FOCAD: variants seen among roughly 807,000 people sequenced by gnomAD.
FOCAD encodes the protein focadhesin, also known as KIAA1797.
Under a neutral mutation model 225.6 loss-of-function variants are expected in FOCAD, and 198 were observed. That is an observed-to-expected ratio of 0.88 (90% CI 0.78 to 0.99). FOCAD has a LOEUF of 0.99. Among genes scored for constraint, FOCAD ranks in the 50% least tolerant of loss-of-function variants. The pLI, the probability that FOCAD is intolerant of heterozygous loss-of-function variation, is 0.00. For synonymous variants in FOCAD, 897 were observed against 755.0 expected (o/e 1.19, Z -3.08); for missense variants, 2,713 against 2,123.6 (o/e 1.28, Z -5.46).
chr9:20,715,473 T>C, intron 2 of FOCAD, 63 bp downstream of exon 2: 1 of 852,356 alleles, frequency 1.2e-6, no homozygotes, highest in Non-Finnish European at 1.7e-6. Context: ...GATTTTTAAC[T>C]GAACTTTATA....
intron 28 of FOCAD, among the ~76,000 whole-genome samples, chr9:20,939,917 G>A (rs567968695): frequency 2.4e-4 from 17 of 71,728 alleles, no homozygotes; most frequent in Non-Finnish European, 3.5e-4. Context: ...TCCACCCCAC[G>A]ACAGGCCCCA....
intron 1 of FOCAD, among the ~76,000 whole-genome samples, chr9:20,715,001 G>A (rs1025562435): frequency 6.6e-6 from 1 of 152,104 alleles, no homozygotes. Flanking sequence ...ATCCACAAAA[G>A]AATTAATTTC....
rs1564179288 is a variant in FOCAD at position 20,939,161 on chromosome 9, A to AAAAAAAAAAAAAAAAAG, written c.3408-5460_3408-5459insAAAAAAAAAAGAAAAAA. ...CGAGACTCTCTTCTCAAAAAAAAAAAAAAAAAGAGTGTGGTTTGAATATGA... is the reference window on the plus strand; with the variant it reads ...CGAGACTCTCTTCTCAAAAAAAAAAAAAAAAAAAAAAAAAAAGAAAAAAGAGTGTGGTTTGAATATGA... On this transcript the variant is annotated intron_variant, in intron 28 of 43. Coordinates refer to ENST00000338382, the MANE Select transcript of FOCAD (RefSeq NM_001375567.1). Among the ~76,000 whole-genome samples the AAAAAAAAAAAAAAAAAG allele has an allele frequency of 1.6e-4, 24 of 150,480 alleles. 1 individual carries two copies. The highest frequency in any genetic ancestry group is 5.8e-4 in the African/African-American group (24 of 41,232).
intron 19 of FOCAD, among the ~76,000 whole-genome samples, chr9:20,876,373 AT>A (rs1000277989): frequency 3.3e-5 from 5 of 151,162 alleles, no homozygotes; most frequent in African/African-American, 9.7e-5. Context: ...TTTTTAAATG[AT>A]TTTTTTTTCA....
intron 42 of FOCAD, among the ~76,000 whole-genome samples, chr9:20,991,873 G>T (rs182824626): frequency 1.3e-5 from 2 of 151,690 alleles, no homozygotes; most frequent in Admixed American, 6.6e-5. Context: ...TTCTGGACTG[G>T]GATACCACGT....
intron 4 of FOCAD, among the ~76,000 whole-genome samples, chr9:20,728,093 C>T (rs188984684): frequency 6.6e-6 from 1 of 152,124 alleles, no homozygotes; most frequent in Non-Finnish European, 1.5e-5. Flanking sequence ...AAACAGTCTG[C>T]CTGAGTGTTT....
rs574418145 is a variant in FOCAD, at chr9:20,729,491, C to G, written c.287+8957C>G. Among the ~76,000 whole-genome samples, 12 of 152,274 alleles carry G rather than the reference C, an allele frequency of 7.9e-5. No homozygotes were observed. The East Asian group carries it at 2.1e-3, about 27-fold the overall frequency. Reference sequence around the variant, plus strand: ...TAATTTAATTATATCTACAAAGACCCTATTTCCATATAAGGTCACATTCAT... The same window carrying G: ...TAATTTAATTATATCTACAAAGACCGTATTTCCATATAAGGTCACATTCAT... On this transcript the variant is annotated intron_variant, in intron 4 of 43. Transcript: ENST00000338382.
intron 38 of FOCAD, 28 bp from the exon 39 acceptor site, chr9:20,982,329 T>A (rs10964782): frequency 6.7e-7 from 1 of 1,492,112 alleles, no homozygotes; most frequent in Non-Finnish European, 9.3e-7. Context: ...CACTGTTTGT[T>A]GACATGTTTG....
chr9:20,827,741 G>T (rs992432300), intron 15 of FOCAD, among the ~76,000 whole-genome samples: 5 of 152,068 alleles, frequency 3.3e-5, no homozygotes, highest in African/African-American at 1.2e-4. Context: ...TACCACAGCA[G>T]TGAGAGGGAA....
rs1028067834 is a variant in FOCAD at position 20,685,074 on chromosome 9, A to G, written c.-33+781A>G. ...CAATTTCATGCAGTCATTCATTCAT[A>G]CATTCCAAACTTTTTTGATGGATGC... On this transcript the variant is annotated intron_variant, in intron 1 of 43. Transcript: ENST00000338382. Among the ~76,000 whole-genome samples, 3 of 152,236 alleles carry G rather than the reference A, an allele frequency of 2.0e-5. No homozygotes were observed. The East Asian group carries it at 5.8e-4, about 29-fold the overall frequency.
intron 35 of FOCAD, among the ~76,000 whole-genome samples, chr9:20,966,283 A>T (rs954492004): frequency 9.9e-5 from 15 of 152,112 alleles, no homozygotes; most frequent in African/African-American, 3.6e-4. Context: ...CTAATGACTA[A>T]TAATGTTAAG....
chr9:20,678,696 T>C (rs1248386205), intron 2 of FOCAD, among the ~76,000 whole-genome samples: 1 of 152,220 alleles, frequency 6.6e-6, no homozygotes, highest in African/African-American at 2.4e-5. Flanking sequence ...ACCCCCTCCC[T>C]GTAGCATCAC....
intron 21 of FOCAD, 27 bp downstream of exon 21, chr9:20,885,257 G>A (rs1393976682): frequency 4.9e-6 from 7 of 1,414,152 alleles, no homozygotes; most frequent in Admixed American, 2.7e-5. Flanking sequence ...TCTTCTTTAT[G>A]TTTTAGTGTT....
chr9:20,895,456 A>G (rs1359115087), intron 21 of FOCAD, among the ~76,000 whole-genome samples: 1 of 151,908 alleles, frequency 6.6e-6, no homozygotes, highest in Non-Finnish European at 1.5e-5. Flanking sequence ...TGAACCTGGA[A>G]TATTTCTCTA....
chr9:20,710,090 A>G (rs1042792839), intron 1 of FOCAD, among the ~76,000 whole-genome samples: 1 of 152,186 alleles, frequency 6.6e-6, no homozygotes, highest in East Asian at 1.9e-4. Flanking sequence ...GTATAGTTCT[A>G]TCACCATTGA....
intron 42 of FOCAD, among the ~76,000 whole-genome samples, chr9:20,991,761 C>T (rs902089452): frequency 2.7e-5 from 4 of 146,734 alleles, no homozygotes; most frequent in African/African-American, 1.0e-4. Context: ...TGCAGTGAGT[C>T]GCAATCCCTC....
chr9:20,815,137 G>GTTTTTTTTTTTTTTTTTTTT (rs71334555), intron 11 of FOCAD, among the ~76,000 whole-genome samples: 5 of 69,146 alleles, frequency 7.2e-5, no homozygotes, highest in African/African-American at 1.8e-4. Context: ...TTTTTTTTTT[G>GTTTTTTTTTTTTTTTTTTTT]TTTTTTTTTT....
chr9:20,782,941 G>A (rs1182136761), intron 10 of FOCAD, among the ~76,000 whole-genome samples: 4 of 152,186 alleles, frequency 2.6e-5, no homozygotes, highest in Admixed American at 2.0e-4. Context: ...CTTGAAACAG[G>A]TAATCGATTT....
intron 1 of FOCAD, among the ~76,000 whole-genome samples, chr9:20,694,919 T>G (rs1410700768): frequency 6.6e-6 from 1 of 152,220 alleles, no homozygotes; most frequent in Non-Finnish European, 1.5e-5. Flanking sequence ...ATTGGTTTTT[T>G]GAAATCAGAA....
Sources: allele counts gnomAD v4.1 joint callset (sites outside exome capture counted in the v4.1 genomes callset), GRCh38; gene constraint gnomAD v4.1.1; transcripts MANE v1.5; gene names NCBI Gene and HGNC (gene_info 2026-07-23, HGNC 2026-07-21).